LRRK1: variants seen among roughly 807,000 people sequenced by gnomAD.
The protein encoded by LRRK1 is leucine rich repeat kinase 1, also known as leucine-rich repeat serine/threonine-protein kinase 1.
LRRK1 carries 113 observed loss-of-function variants against 209.1 expected under a neutral mutation model. That is an observed-to-expected ratio of 0.54 (90% CI 0.46 to 0.63). The LOEUF is 0.63. LRRK1 is among the 30% of genes least tolerant of loss of function. LRRK1 has a pLI of 0.00. For synonymous variants in LRRK1, 1,144 were observed against 1,099.7 expected, an observed-to-expected ratio of 1.04 and a Z score of -0.80; for missense variants, 2,284 against 2,632.2, an observed-to-expected ratio of 0.87 and a Z score of 2.89.
chr15:100,956,444 C>CTTTTTTTTTTCTTTTTCTTTTCTTTTTT (rs2042759008), intron 2 of LRRK1, among the ~76,000 whole-genome samples: 1 of 71,754 alleles, frequency 1.4e-5, no homozygotes, highest in Non-Finnish European at 2.5e-5. Flanking sequence ...CTTTTCTTTC[C>CTTTTTTTTTTCTTTTTCTTTTCTTTTTT]TTTTTTTTTT....
rs1042586261 is a variant in LRRK1, at chr15:101,058,619, G to GGGA, written c.4679+480_4679+481insAGG. Among the ~76,000 whole-genome samples, 12 of 141,788 alleles carry GGGA rather than the reference G, an allele frequency of 8.5e-5. 3 individuals carry two copies. Among genetic ancestry groups the GGGA allele is most frequent in the Non-Finnish European group, 1.5e-4 (10 of 67,126 alleles). 93.0% of individuals were successfully genotyped at this position (141,788 alleles called of 152,430 possible). A position where few individuals can be genotyped will look rare whatever the true frequency, so the allele number is the denominator to read the frequency against. On this transcript the variant is annotated intron_variant, in intron 29 of 33. Coordinates refer to ENST00000388948, the MANE Select transcript of LRRK1 (RefSeq NM_024652.6). Reference sequence around the variant, plus strand: ...GCCCCAGATTGCAGAAGGGGCAACGGGGGGGGGCGTCTAAACAGAGTTGGG... The same window carrying GGGA: ...GCCCCAGATTGCAGAAGGGGCAACGGGGAGGGGGGGCGTCTAAACAGAGTTGGG...
intron 2 of LRRK1, among the ~76,000 whole-genome samples, chr15:100,934,802 C>CAGAAA (rs2042270195): frequency 1.9e-5 from 1 of 53,440 alleles, no homozygotes; most frequent in Non-Finnish European, 4.0e-5. Context: ...GAAACTGTCT[C>CAGAAA]AAAAAAAAAA....
intron 12 of LRRK1, among the ~76,000 whole-genome samples, chr15:101,020,407 C>T (rs554222579): frequency 6.6e-4 from 86 of 129,966 alleles, no homozygotes; most frequent in Non-Finnish European, 1.2e-3. Context: ...TGGAGTCTTG[C>T]TCTGTCACCC....
chr15:101,067,055 T>C (rs1368909331), intron 33 of LRRK1, among the ~76,000 whole-genome samples: 1 of 152,130 alleles, frequency 6.6e-6, no homozygotes, highest in Non-Finnish European at 1.5e-5. Context: ...TGCATCCAGG[T>C]CATTGATTCA....
Position 101,010,742 on chromosome 15 carries a change from C to T in LRRK1, c.1186C>T (p.Pro396Ser). 1 of 1,613,714 alleles carries T rather than the reference C, an allele frequency of 6.2e-7. No individual in the cohort carries two copies. Among genetic ancestry groups the T allele is most frequent in the Non-Finnish European group, 8.5e-7 (1 of 1,179,810 alleles). The change falls in exon 9 of 34, where the codon CCT becomes TCT. Residue 396 changes from proline to serine, a missense_variant. Coordinates refer to ENST00000388948, the MANE Select transcript of LRRK1 (RefSeq NM_024652.6). The part of the protein sequence containing the change: ...DISDNKLTEL[P>S]ALFLHSFKSL... ...ATCTGACAATAAATTGACAGAACTC[C>T]CTGCCCTGTTCCTTCACTCTTTCAA...
chr15:100,948,679 G>C (rs564961495), intron 2 of LRRK1, among the ~76,000 whole-genome samples: 10 of 151,826 alleles, frequency 6.6e-5, no homozygotes, highest in South Asian at 4.2e-4. Context: ...AAATATATTC[G>C]GTGACCACAA....
In LRRK1 at chr15:101,011,572, A is replaced by G. The variant is rs961638422; in HGVS notation, c.1282-436A>G. ...AATTTTGCTTGTTAAAACAGATGGA[A>G]TAGCATGAAGAATGTGTGTGTGTGT... On this transcript the variant is annotated intron_variant, in intron 9 of 33. Coordinates refer to ENST00000388948, the MANE Select transcript of LRRK1 (RefSeq NM_024652.6). Among the ~76,000 whole-genome samples the G allele has an allele frequency of 8.4e-5, 11 of 131,112 alleles. No homozygotes were observed. The South Asian group carries it at 2.9e-3, about 34-fold the overall frequency. 86.0% of individuals were successfully genotyped at this position (131,112 alleles called of 152,430 possible). A position where few individuals can be genotyped will look rare whatever the true frequency, so the allele number is the denominator to read the frequency against.
At chr15:101,048,460 A>C (rs1453266069) in intron 21 of LRRK1, 34 bp from the exon 22 acceptor site, 1 of 1,589,214 alleles carries the variant, frequency 6.3e-7, no homozygotes, top group South Asian at 1.2e-5. Flanking sequence ...AGGAGCCCAG[A>C]ATACTTAAGC....
At chr15:101,037,389 T>G (rs1311257386) in intron 20 of LRRK1, among the ~76,000 whole-genome samples, 1 of 152,146 alleles carries the variant, frequency 6.6e-6, no homozygotes, top group Non-Finnish European at 1.5e-5. Context: ...ACTGAACCAC[T>G]GAGCTGGGCA....
At chr15:100,932,848 C>T (rs1244738055) in intron 2 of LRRK1, among the ~76,000 whole-genome samples, 2 of 152,202 alleles carry the variant, frequency 1.3e-5, no homozygotes, top group Non-Finnish European at 2.9e-5. Context: ...CTATCTGCTG[C>T]TCCCTCTGCA....
At position 101,074,163 on chromosome 15, in the gene LRRK1, G is replaced by A. The variant is rs969826564; in HGVS notation, c.*5315G>A. The stretch of plus-strand genomic sequence containing the variant: ...CAGTCCCAACCCCAAGCATCGCTGA[G>A]TCTTTCTAATCTTTTCTATAGACCC... On this transcript the variant is annotated 3_prime_UTR_variant, in exon 34 of 34. Coordinates refer to ENST00000388948, the MANE Select transcript of LRRK1 (RefSeq NM_024652.6). The A allele has an allele frequency of 6.6e-6, 1 of 152,100 alleles. No individual in the cohort carries two copies. The highest frequency in any genetic ancestry group is 1.5e-5 in the Non-Finnish European group (1 of 68,034). The allele number at this position is 152,100 out of a possible 1,614,324, so 9.4% of individuals were successfully genotyped here.
intron 2 of LRRK1, among the ~76,000 whole-genome samples, chr15:100,973,264 G>A (rs2031052798): frequency 6.6e-6 from 1 of 152,250 alleles, no homozygotes; most frequent in Non-Finnish European, 1.5e-5. Flanking sequence ...CCGAGGCCCG[G>A]TGTCGTCCCC....
chr15:101,053,544 T>C, intron 26 of LRRK1, 124 bp downstream of exon 26: 1 of 810,068 alleles, frequency 1.2e-6, no homozygotes, highest in Non-Finnish European at 1.9e-6. Context: ...AACCCATGGC[T>C]CGTGTGACCA....
chr15:100,941,436 G>GTCTC (rs2042425840), intron 2 of LRRK1, among the ~76,000 whole-genome samples: 2 of 8,806 alleles, frequency 2.3e-4, no homozygotes, highest in African/African-American at 4.3e-4. Flanking sequence ...GTCTGTGTGT[G>GTCTC]TGTGTGTGTC....
At chr15:101,058,542 C>T (rs1025160757) in intron 29 of LRRK1, among the ~76,000 whole-genome samples, 2 of 139,662 alleles carry the variant, frequency 1.4e-5, no homozygotes, top group South Asian at 2.2e-4. Context: ...TTTTTAAAAA[C>T]GAAATGAGGC....
chr15:101,067,453 GTGTGTGTGTGTA>G (rs1295859391), intron 33 of LRRK1: 2 of 239,816 alleles, frequency 8.3e-6, no homozygotes, highest in Non-Finnish European at 1.9e-5. Flanking sequence ...GTGTGTGTGT[GTGTGTGTGTGTA>G]CTTTGGAGCT....
At chr15:100,964,555 C>G (rs543942083) in intron 2 of LRRK1, among the ~76,000 whole-genome samples, 2 of 152,208 alleles carry the variant, frequency 1.3e-5, no homozygotes, top group Non-Finnish European at 2.9e-5. Context: ...TCAGTAGCAT[C>G]CTGAAGTTTA....
rs144395836 is a variant in LRRK1, at chr15:100,935,756, C to T, written c.97+11027C>T. On this transcript the variant is annotated intron_variant, in intron 2 of 33. Coordinates refer to ENST00000388948, the MANE Select transcript of LRRK1 (RefSeq NM_024652.6). ...ATCACTTGCTGGCTTAAAAGAACAA[C>T]GAATGATCATTTCCCAGGTTTCTGT... is the stretch of plus-strand genomic sequence containing the variant. Among the ~76,000 whole-genome samples the T allele has an allele frequency of 9.3e-4, 141 of 152,300 alleles. 1 individual carries two copies. The highest frequency in any genetic ancestry group is 3.0e-3 in the African/African-American group (123 of 41,556).
chr15:100,948,989 G>A (rs543047966), intron 2 of LRRK1, among the ~76,000 whole-genome samples: 8 of 151,806 alleles, frequency 5.3e-5, no homozygotes, highest in South Asian at 2.1e-4. Context: ...AGACTAAACC[G>A]AAAGCAAGTA....
Sources: gnomAD v4.1 joint callset for allele counts (sites outside exome capture counted in the v4.1 genomes callset) on GRCh38, gnomAD v4.1.1 for gene constraint, MANE v1.5 for transcripts, NCBI Gene and HGNC (gene_info 2026-07-23, HGNC 2026-07-21) for gene names.